The following NECTIN2 variants were observed in gnomAD, a reference collection of about 807,000 sequenced individuals.
NECTIN2 encodes nectin-2.
A neutral mutation model predicts 56.9 loss-of-function variants in NECTIN2; 23 were observed. The observed-to-expected ratio is 0.40, with a 90% CI of 0.29 to 0.57. The LOEUF is 0.57. Among genes scored for constraint, NECTIN2 ranks in the 20% least tolerant of loss-of-function variants. The pLI is 0.38. For synonymous variants in NECTIN2, 302 were observed against 313.8 expected (o/e 0.96, Z 0.40); for missense variants, 587 against 718.3 (o/e 0.82, Z 2.09).
chr19:44,854,527 A>G (rs1968940560), intron 1 of NECTIN2, among the ~76,000 whole-genome samples: 1 of 152,114 alleles, frequency 6.6e-6, no homozygotes, highest in African/African-American at 2.4e-5. Flanking sequence ...AGAACTCTGA[A>G]TCTGGCCAGG....
chr19:44,871,206 C>T (rs1441726357), intron 2 of NECTIN2, among the ~76,000 whole-genome samples: 1 of 152,022 alleles, frequency 6.6e-6, no homozygotes, highest in Non-Finnish European at 1.5e-5. Flanking sequence ...GCTTTTGGAC[C>T]CTGTCTCTGC....
At chr19:44,859,858 G>A (rs1969011958) in intron 1 of NECTIN2, among the ~76,000 whole-genome samples, 1 of 151,016 alleles carries the variant, frequency 6.6e-6, no homozygotes, top group Non-Finnish European at 1.5e-5. Context: ...AAACCACTTA[G>A]GCTGGCTGAG....
Position 44,858,024 on chromosome 19 carries a change from A to C in NECTIN2, c.89-7247A>C, listed in dbSNP as rs56883465. Among the ~76,000 whole-genome samples the C allele has an allele frequency of 4.9e-3, 743 of 152,274 alleles. 6 individuals carry two copies. Among genetic ancestry groups the C allele is most frequent in the African/African-American group, 0.017 (706 of 41,558 alleles). ...TTCCAGGAACAAGAAGCTAATGGGG[A>C]GGGCAGCTGTGCAGGAACCACTGCC... On this transcript the variant is annotated intron_variant, in intron 1 of 8. Coordinates refer to ENST00000252483, the MANE Select transcript of NECTIN2 (RefSeq NM_001042724.2).
chr19:44,874,208 G>T lies in NECTIN2; in HGVS notation c.894-122G>T. ...AAGGGAGCTTGCATTTTGGCAATTT[G>T]GGGTCTCCGGGAGTACTTAGGTCCC... On this transcript the variant is annotated intron_variant, in intron 4 of 8. Transcript: ENST00000252483. This position sits in a 1 kb window ranked among gnomAD's most constrained non-coding sequence, Gnocchi z 6.3. 1 of 1,347,980 alleles carries T rather than the reference G, an allele frequency of 7.4e-7. No homozygotes were observed. The allele number at this position is 1,347,980 out of a possible 1,614,324, so 83.5% of individuals were successfully genotyped here.
intron 6 of NECTIN2, 33 bp downstream of exon 6, chr19:44,882,397 A>T: frequency 7.4e-7 from 1 of 1,358,628 alleles, no homozygotes; most frequent in Non-Finnish European, 9.6e-7. Flanking sequence ...GGGATGGGAG[A>T]GGGGTCGAAG....
chr19:44,881,600 T>C (rs1969308707), intron 5 of NECTIN2, among the ~76,000 whole-genome samples: 1 of 150,556 alleles, frequency 6.6e-6, no homozygotes, highest in African/African-American at 2.5e-5. Context: ...GGTGGGAGGA[T>C]CGCTTGAGCC....
intron 1 of NECTIN2, among the ~76,000 whole-genome samples, chr19:44,847,577 G>A (rs990726881): frequency 2.0e-5 from 3 of 152,186 alleles, no homozygotes; most frequent in Admixed American, 2.0e-4. Flanking sequence ...TGAGGCTGGA[G>A]TCTCAGTCGC....
intron 5 of NECTIN2, among the ~76,000 whole-genome samples, chr19:44,880,475 CTTTTTTTTTTTTTTT>C (rs4013742): frequency 1.5e-5 from 1 of 68,880 alleles, no homozygotes; most frequent in East Asian, 3.9e-4. Flanking sequence ...CCTGTCTTGC[CTTTTTTTTTTTTTTT>C]TTTTTTTTTT....
At chr19:44,846,644 C>T in intron 1 of NECTIN2, 31 bp downstream of exon 1, 1 of 1,518,418 alleles carries the variant, frequency 6.6e-7, no homozygotes, top group Non-Finnish European at 8.8e-7. Flanking sequence ...CCTGCCCTCG[C>T]GCGGACCCCC....
intron 1 of NECTIN2, among the ~76,000 whole-genome samples, chr19:44,852,522 G>A (rs1394614140): frequency 3.3e-5 from 4 of 121,280 alleles, no homozygotes; most frequent in Non-Finnish European, 7.0e-5. Flanking sequence ...GCAAGACTCC[G>A]TCTCAAAAAA....
At chr19:44,848,061 C>T (rs927974983) in intron 1 of NECTIN2, among the ~76,000 whole-genome samples, 2 of 152,190 alleles carry the variant, frequency 1.3e-5, no homozygotes, top group African/African-American at 2.4e-5. Context: ...CAGAAGAGAG[C>T]TCAGGGGGAT....
intron 2 of NECTIN2, among the ~76,000 whole-genome samples, chr19:44,867,790 T>A (rs1350483500): frequency 3.3e-5 from 5 of 152,144 alleles, no homozygotes; most frequent in Admixed American, 3.3e-4. Flanking sequence ...GAGGCTGGAC[T>A]ATGCCCTCAG....
Position 44,879,046 on chromosome 19 carries a change from C to T in NECTIN2, c.1043-3165C>T, listed in dbSNP as rs537424409. ...GGCTGGGAAGAGCTGATCCACGCCCCCGGGGAACGAGAGCCTGGCAGGGGT... is the reference window on the plus strand; with the variant it reads ...GGCTGGGAAGAGCTGATCCACGCCCTCGGGGAACGAGAGCCTGGCAGGGGT... On this transcript the variant is annotated intron_variant, in intron 5 of 8. Transcript: ENST00000252483. The T allele has an allele frequency of 4.0e-5, 19 of 481,004 alleles. No homozygotes were observed. In the South Asian group the frequency reaches 1.4e-3, roughly 35 times the overall value. 29.8% of individuals were successfully genotyped at this position (481,004 alleles called of 1,614,324 possible). A position where few individuals can be genotyped will look rare whatever the true frequency, so the allele number is the denominator to read the frequency against.
Position 44,888,207 on chromosome 19 carries a change from C to T in NECTIN2, c.1445C>T (p.Pro482Leu). 1 of 1,614,176 alleles carries T rather than the reference C, an allele frequency of 6.2e-7. No homozygotes were observed. Among genetic ancestry groups the T allele is most frequent in the Non-Finnish European group, 8.5e-7 (1 of 1,180,034 alleles). The change falls in exon 9 of 9, where the codon CCA (proline) becomes CTA (leucine). Residue 482 changes from proline (P) to leucine (L), a missense_variant. Physicochemically the swap from Pro to Leu is moderately conservative, Grantham distance 98. Transcript: ENST00000252483. ...TSLGSPIPVP[P>L]GPPAVEDVSL... ...CTGGGGTCCCCCATCCCGGTGCCTCCAGGGCCACCTGCTGTGGAAGACGTT... is the reference window on the plus strand; with the variant it reads ...CTGGGGTCCCCCATCCCGGTGCCTCTAGGGCCACCTGCTGTGGAAGACGTT...
At position 44,867,777 on chromosome 19, in the gene NECTIN2, G is replaced by C. The variant is rs556693563; in HGVS notation, c.478+2117G>C. 3.3e-5 allele frequency among the ~76,000 whole-genome samples: 5 copies of C among 152,286 alleles called. No homozygotes were observed. In the South Asian group the frequency reaches 1.0e-3, roughly 32 times the overall value. Reference sequence around the variant, plus strand: ...TTACACGGGCTTCACAGGTGGAGGCGAGGAGGCTGGACTATGCCCTCAGCA... The same window carrying C: ...TTACACGGGCTTCACAGGTGGAGGCCAGGAGGCTGGACTATGCCCTCAGCA... On this transcript the variant is annotated intron_variant, in intron 2 of 8. Transcript: ENST00000252483.
chr19:44,857,316 G>A (rs2972557), intron 1 of NECTIN2, among the ~76,000 whole-genome samples: 134,248 of 149,714 alleles, frequency 0.9, 60,313 homozygotes, highest in African/African-American at 0.95. Flanking sequence ...TCACTGCAGC[G>A]TCAGTTTCTC....
chr19:44,854,085 G>C (rs946814334), intron 1 of NECTIN2, among the ~76,000 whole-genome samples: 1 of 151,976 alleles, frequency 6.6e-6, no homozygotes, highest in African/African-American at 2.4e-5. Flanking sequence ...CCCCCGAGGA[G>C]TGTGCCCCAC....
intron 1 of NECTIN2, among the ~76,000 whole-genome samples, chr19:44,857,922 G>C (rs1264058906): frequency 6.6e-6 from 1 of 152,118 alleles, no homozygotes; most frequent in East Asian, 1.9e-4. Flanking sequence ...AACAGCATAA[G>C]GTATCTGCAG....
At chr19:44,884,902 T>G (rs1467905440) in intron 6 of NECTIN2, among the ~76,000 whole-genome samples, 5 of 152,256 alleles carry the variant, frequency 3.3e-5, no homozygotes, top group Non-Finnish European at 5.9e-5. Flanking sequence ...TATTCATTCA[T>G]TCTTTTCACA....
Sources: gnomAD v4.1 joint callset for allele counts (sites outside exome capture counted in the v4.1 genomes callset) on GRCh38, gnomAD v4.1.1 for gene constraint, Gnocchi (gnomAD v3.1) non-coding constraint, MANE v1.5 for transcripts, NCBI Gene and HGNC (gene_info 2026-07-23, HGNC 2026-07-21) for gene names.